Variants in RBFOX3 observed in about 807,000 individuals in gnomAD.
The protein encoded by RBFOX3 is RNA binding fox-1 homolog 3.
RBFOX3 carries 17 observed loss-of-function variants against 48.7 expected under a neutral mutation model. The ratio of observed to expected loss-of-function variants is 0.35; its 90% confidence interval spans 0.24 to 0.52. RBFOX3 has a LOEUF of 0.52. RBFOX3 is among the 20% of genes least tolerant of loss of function. The pLI, the probability that RBFOX3 is intolerant of heterozygous loss-of-function variation, is 0.94. For missense variants in RBFOX3, 382 were observed against 497.5 expected, an observed-to-expected ratio of 0.77 and a Z score of 2.21; for synonymous variants, 212 against 209.5, an observed-to-expected ratio of 1.01 and a Z score of -0.10.
rs1009731036 is a variant in RBFOX3, at chr17:79,283,175, T to C, written c.-74+24549A>G. On this transcript the variant is annotated intron_variant, in intron 3 of 14. Coordinates refer to ENST00000693108, the MANE Select transcript of RBFOX3 (RefSeq NM_001350451.2). ...AGCAGCCTCCGTTAGTAGGTTTTGCTTCCTTCGTGGTTTCGTGTTCATAGC... is the reference window on the plus strand; with the variant it reads ...AGCAGCCTCCGTTAGTAGGTTTTGCCTCCTTCGTGGTTTCGTGTTCATAGC... Among the ~76,000 whole-genome samples the C allele has an allele frequency of 2.6e-5, 4 of 152,168 alleles. No individual in the cohort carries two copies. In the East Asian group the frequency reaches 5.8e-4, roughly 22 times the overall value.
intron 2 of RBFOX3, among the ~76,000 whole-genome samples, chr17:79,461,845 A>AGGG (rs1287793285): frequency 1.3e-5 from 2 of 152,166 alleles, no homozygotes; most frequent in East Asian, 3.8e-4. Context: ...TAGAGGCTGG[A>AGGG]GGGATGCAGA....
At chr17:79,314,786 T>C (rs1178362719) in intron 2 of RBFOX3, among the ~76,000 whole-genome samples, 1 of 152,138 alleles carries the variant, frequency 6.6e-6, no homozygotes, top group Non-Finnish European at 1.5e-5. Context: ...GTATAAATGT[T>C]TTTCTCAAGG....
At chr17:79,528,149 G>A (rs1223001403) in intron 1 of RBFOX3, among the ~76,000 whole-genome samples, 1 of 152,036 alleles carries the variant, frequency 6.6e-6, no homozygotes, top group African/African-American at 2.4e-5. Flanking sequence ...TTGAACCTCT[G>A]AGGTATCTCT....
intron 2 of RBFOX3, among the ~76,000 whole-genome samples, chr17:79,380,252 C>T (rs1299182925): frequency 6.6e-6 from 1 of 152,216 alleles, no homozygotes; most frequent in Non-Finnish European, 1.5e-5. Flanking sequence ...GATCTTACAG[C>T]AGAAGGATTT....
the RBFOX3 span, among the ~76,000 whole-genome samples, chr17:79,638,862 C>T: frequency 1.3e-5 from 2 of 152,162 alleles, no homozygotes; most frequent in African/African-American, 2.4e-5. Flanking sequence ...ACCTGAGGCC[C>T]TCATGAGAAG....
At chr17:79,431,515 T>G (rs1598661366) in intron 2 of RBFOX3, among the ~76,000 whole-genome samples, 2 of 143,578 alleles carry the variant, frequency 1.4e-5, no homozygotes, top group African/African-American at 5.2e-5. Context: ...AGATGGATTC[T>G]CACTCTGTCA....
At chr17:79,403,617 G>A (rs1210263812) in intron 2 of RBFOX3, among the ~76,000 whole-genome samples, 6 of 152,132 alleles carry the variant, frequency 3.9e-5, no homozygotes, top group Admixed American at 3.9e-4. Flanking sequence ...CAGCTTCGGT[G>A]GGAAAGTCCC....
At chr17:79,173,909 C>G (rs927543864) in intron 4 of RBFOX3, among the ~76,000 whole-genome samples, 3 of 145,600 alleles carry the variant, frequency 2.1e-5, no homozygotes, top group Non-Finnish European at 4.5e-5. Flanking sequence ...TGAAGTGGAG[C>G]CCTGCTGGGG....
At chr17:79,138,839 GCA>G (rs2041161909) in intron 4 of RBFOX3, among the ~76,000 whole-genome samples, 1 of 60,266 alleles carries the variant, frequency 1.7e-5, no homozygotes, top group Non-Finnish European at 3.1e-5. Flanking sequence ...CCACACACAT[GCA>G]CACAGCACAT....
At chr17:79,183,819 A>G (rs1431714830) in intron 4 of RBFOX3, among the ~76,000 whole-genome samples, 1 of 152,118 alleles carries the variant, frequency 6.6e-6, no homozygotes, top group African/African-American at 2.4e-5. Context: ...CGACGGCACA[A>G]CAGCTGATCC....
At chr17:79,541,933 C>T (rs2089757052) in intron 1 of RBFOX3, among the ~76,000 whole-genome samples, 1 of 152,240 alleles carries the variant, frequency 6.6e-6, no homozygotes, top group South Asian at 2.1e-4. Flanking sequence ...CACGGGGCTC[C>T]TCCAGGGTCC....
At chr17:79,604,847 A>G (rs944135294) in intron 1 of RBFOX3, among the ~76,000 whole-genome samples, 1 of 152,228 alleles carries the variant, frequency 6.6e-6, no homozygotes, top group Non-Finnish European at 1.5e-5. Context: ...CTGCTCCTCC[A>G]TGTTCTCATG....
chr17:79,566,102 C>T (rs2092443547), intron 1 of RBFOX3, among the ~76,000 whole-genome samples: 2 of 152,202 alleles, frequency 1.3e-5, no homozygotes, highest in South Asian at 2.1e-4. Flanking sequence ...CTGCCACCTG[C>T]GCCCCATCCG....
At chr17:79,308,116 G>C (rs1434430303) in intron 2 of RBFOX3, among the ~76,000 whole-genome samples, 3 of 152,210 alleles carry the variant, frequency 2.0e-5, no homozygotes, top group African/African-American at 7.2e-5. Flanking sequence ...AGAGGGGAGA[G>C]TGCCAGCAGG....
chr17:79,560,543 C>T (rs2092142168), intron 1 of RBFOX3, among the ~76,000 whole-genome samples: 1 of 152,154 alleles, frequency 6.6e-6, no homozygotes, highest in East Asian at 1.9e-4. Context: ...TACTGCCCAC[C>T]CGACCATGGC....
rs1599070180 is a variant in RBFOX3, at chr17:79,535,077, G to A, written c.-319-52479C>T. ...ACTGGCTGAAGCCACGAGGAAGCGT[G>A]CCAGTCACATGACGGGAAGTCCAGG... On this transcript the variant is annotated intron_variant, in intron 1 of 14. Transcript: ENST00000693108. This position sits in a 1 kb window ranked among gnomAD's most constrained non-coding sequence, Gnocchi z 4.5. Among the ~76,000 whole-genome samples, 1 of 152,220 alleles carries A rather than the reference G, an allele frequency of 6.6e-6. No homozygotes were observed. Among genetic ancestry groups the A allele is most frequent in the African/African-American group, 2.4e-5 (1 of 41,462 alleles).
intron 2 of RBFOX3, among the ~76,000 whole-genome samples, chr17:79,464,214 C>A (rs952555024): frequency 1.3e-5 from 2 of 152,126 alleles, no homozygotes; most frequent in Non-Finnish European, 2.9e-5. Flanking sequence ...AGGAAATGTT[C>A]GCTCTCCCTT....
At chr17:79,639,935 C>G in the RBFOX3 span, among the ~76,000 whole-genome samples, 1 of 152,168 alleles carries the variant, frequency 6.6e-6, no homozygotes, top group South Asian at 2.1e-4. Context: ...TGCCCACTCC[C>G]ATCATTTCTA....
At chr17:79,400,686 G>GT (rs2062682921) in intron 2 of RBFOX3, among the ~76,000 whole-genome samples, 9 of 152,252 alleles carry the variant, frequency 5.9e-5, no homozygotes, top group Admixed American at 5.9e-4. Context: ...AGATGCGGCT[G>GT]TAAGCGGGGT....
Sources: gnomAD v4.1 joint callset for allele counts (sites outside exome capture counted in the v4.1 genomes callset) on GRCh38, gnomAD v4.1.1 for gene constraint, Gnocchi (gnomAD v3.1) non-coding constraint, MANE v1.5 for transcripts, NCBI Gene and HGNC (gene_info 2026-07-23, HGNC 2026-07-21) for gene names.